PPFIA4: variants seen among roughly 807,000 people sequenced by gnomAD.
The protein encoded by PPFIA4 is liprin-alpha-4.
Under a neutral mutation model 145.7 loss-of-function variants are expected in PPFIA4, and 98 were observed. That is an observed-to-expected ratio of 0.67 (90% CI 0.57 to 0.80). The LOEUF (loss-of-function observed/expected upper bound fraction) is 0.80, where lower values mean the gene tolerates loss of function less well. Ranked by LOEUF, PPFIA4 falls within the 30% of genes least tolerant of loss-of-function variation. The pLI, the probability that PPFIA4 is intolerant of heterozygous loss-of-function variation, is 0.00. For missense variants in PPFIA4, 1,457 were observed against 1,632.7 expected (o/e 0.89, Z 1.85); for synonymous variants, 628 against 649.6 (o/e 0.97, Z 0.51).
intron 24 of PPFIA4, among the ~76,000 whole-genome samples, chr1:203,061,879 A>T (rs1272972617): frequency 6.6e-6 from 1 of 150,990 alleles, no homozygotes; most frequent in Non-Finnish European, 1.5e-5. Flanking sequence ...GTGGCAGGTG[A>T]GGAGCCCTGG....
At chr1:203,035,190 C>G (rs1465515386) in intron 1 of PPFIA4, 7 of 422,420 alleles carry the variant, frequency 1.7e-5, no homozygotes, top group Non-Finnish European at 1.4e-5. Context: ...TGGCTGCCAC[C>G]TGGAGGCTCC....
At position 203,045,363 on chromosome 1, in the gene PPFIA4, TGGA is replaced by T; in HGVS notation, c.669_671del. The T allele has an allele frequency of 6.3e-7, 1 of 1,584,248 alleles. No individual in the cohort carries two copies. On this transcript the variant is annotated splice_acceptor_variant and splice_polypyrimidine_tract_variant and intron_variant, in intron 6 of 29. Transcript: ENST00000295706. LOFTEE classifies it high-confidence loss of function. ...CTCACAGAGCTACTGTCCCTATCCC[TGGA>T]GGAGGATACGGGCCGGGTAGAGGAG...
Position 203,053,796 on chromosome 1 carries a change from C to G in PPFIA4, c.1664C>G (p.Ala555Gly). 6.4e-7 allele frequency: 1 copy of G among 1,552,496 alleles called. No homozygotes were observed. The highest frequency in any genetic ancestry group is 8.7e-7 in the Non-Finnish European group (1 of 1,147,666). ...SPLPGMLAPA[A>G]GPAFDSDPEI... ...CTGCCTGGGATGCTGGCCCCGGCAG[C>G]TGGCCCTGCCTTTGACAGTGACCCT... Residue 555 changes from alanine (A) to glycine (G), a missense_variant, in exon 15 of 30, where the codon GCT (alanine) becomes GGT (glycine). Around this residue, in one of 3 missense-constraint regions of PPFIA4, gnomAD observed 848 missense variants for 1,046.7 expected, o/e 0.81. Transcript: ENST00000295706.
intron 1 of PPFIA4, among the ~76,000 whole-genome samples, chr1:203,032,430 T>TTGTTGTTG (rs1571653652): frequency 1.8e-4 from 25 of 139,448 alleles, no homozygotes; most frequent in African/African-American, 6.1e-4. Context: ...TCCCCGCTTT[T>TTGTTGTTG]TTGTTGTTGT....
chr1:203,041,611 G>A (rs1175330084), intron 2 of PPFIA4, among the ~76,000 whole-genome samples: 1 of 152,152 alleles, frequency 6.6e-6, no homozygotes, highest in Non-Finnish European at 1.5e-5. Flanking sequence ...ACAGCATTGT[G>A]CTTTGGGAGA....
At chr1:203,052,181 G>C (rs34961420) in intron 14 of PPFIA4, among the ~76,000 whole-genome samples, 2 of 151,932 alleles carry the variant, frequency 1.3e-5, no homozygotes, top group Admixed American at 1.3e-4. Context: ...GTGGTCGGGC[G>C]TGGGGGGTGG....
Position 203,055,460 on chromosome 1 carries a change from G to A in PPFIA4, c.1858G>A (p.Glu620Lys). ...GATTCAGGAAGAGAAGGAGTCCACG[G>A]AGCTCCGCGCGGAGGAGATTGAGAC... Reference protein sequence around the residue: ...RMIQEEKESTELRAEEIETRV... With the variant: ...RMIQEEKESTKLRAEEIETRV... Residue 620 changes from glutamate (E) to lysine (K), a missense_variant, in exon 16 of 30, where the codon GAG becomes AAG. Glu to Lys is a moderately conservative substitution (Grantham distance 56). Transcript: ENST00000295706. The surrounding 1 kb of genome is among the most constrained non-coding windows in gnomAD (Gnocchi z 4.8). 2 of 1,614,006 alleles carry A rather than the reference G, an allele frequency of 1.2e-6. No individual in the cohort carries two copies. Among genetic ancestry groups the A allele is most frequent in the Non-Finnish European group, 1.7e-6 (2 of 1,179,892 alleles).
chr1:203,058,746 A>T (rs1247388277), intron 19 of PPFIA4, among the ~76,000 whole-genome samples: 2 of 152,188 alleles, frequency 1.3e-5, no homozygotes, highest in Non-Finnish European at 2.9e-5. Flanking sequence ...CCAGAGAAGG[A>T]GGCTCAGAGA....
Position 203,055,342 on chromosome 1 carries a change from C to A in PPFIA4, c.1830-90C>A. On this transcript the variant is annotated intron_variant, in intron 15 of 29. Coordinates refer to ENST00000295706, the MANE Select transcript of PPFIA4 (RefSeq NM_001304331.2). This position sits in a 1 kb window ranked among gnomAD's most constrained non-coding sequence, Gnocchi z 4.8. ...TGGCGGGTGTACACCGCATGTGGTC[C>A]TTGGTGGCGAGTGCAGGCATCGACC... The A allele has an allele frequency of 6.4e-7, 1 of 1,552,952 alleles. No homozygotes were observed. The highest frequency in any genetic ancestry group is 8.8e-7 in the Non-Finnish European group (1 of 1,131,714).
At position 203,055,984 on chromosome 1, in the gene PPFIA4, TGGCG is replaced by T; in HGVS notation, c.2071-135_2071-132del. On this transcript the variant is annotated intron_variant, in intron 16 of 29. Coordinates refer to ENST00000295706, the MANE Select transcript of PPFIA4 (RefSeq NM_001304331.2). The surrounding 1 kb of genome is among the most constrained non-coding windows in gnomAD (Gnocchi z 4.8). ...CTAGGCCAGCTTTTTTTTTTTTTTC[TGGCG>T]TGATATTCTCTCCGGGCCTGTGTGA... 1 of 856,832 alleles carries T rather than the reference TGGCG, an allele frequency of 1.2e-6. No individual in the cohort carries two copies. Among genetic ancestry groups the T allele is most frequent in the Non-Finnish European group, 1.8e-6 (1 of 565,946 alleles). 53.1% of individuals were successfully genotyped at this position (856,832 alleles called of 1,614,324 possible).
Position 203,076,411 on chromosome 1 carries a change from T to G in PPFIA4, c.*21T>G. 6.2e-7 allele frequency: 1 copy of G among 1,606,456 alleles called. No homozygotes were observed. Among genetic ancestry groups the G allele is most frequent in the Non-Finnish European group, 8.5e-7 (1 of 1,178,098 alleles). Reference sequence around the variant, plus strand: ...ACTAGCCATGGCCCCCAGGGCTGGCTTCCTCCTTCTGGGTTTCACAGGCTC... The same window carrying G: ...ACTAGCCATGGCCCCCAGGGCTGGCGTCCTCCTTCTGGGTTTCACAGGCTC... On this transcript the variant is annotated 3_prime_UTR_variant, in exon 30 of 30. Coordinates refer to ENST00000295706, the MANE Select transcript of PPFIA4 (RefSeq NM_001304331.2).
chr1:203,067,835 T>A, intron 26 of PPFIA4, 43 bp downstream of exon 26: 6 of 1,560,216 alleles, frequency 3.8e-6, no homozygotes, highest in Non-Finnish European at 5.3e-6. Flanking sequence ...GCAGCCTGCT[T>A]GGCTGGTCCC....
chr1:203,044,517 C>T (rs957204472), intron 5 of PPFIA4, 64 bp downstream of exon 5: 3 of 1,495,610 alleles, frequency 2.0e-6, no homozygotes, highest in African/African-American at 1.4e-5. Flanking sequence ...ACCCCTGTGC[C>T]CTACTCTGTT....
At chr1:203,049,835 C>G (rs1053953471) in intron 13 of PPFIA4, 68 bp downstream of exon 13, 1 of 1,341,148 alleles carries the variant, frequency 7.5e-7, no homozygotes, top group Non-Finnish European at 9.9e-7. Context: ...AGGAGACTTC[C>G]TTCCAACAAA....
intron 13 of PPFIA4, 90 bp downstream of exon 13, chr1:203,049,857 G>A: frequency 8.7e-7 from 1 of 1,155,766 alleles, no homozygotes; most frequent in Non-Finnish European, 1.2e-6. Context: ...GACTGCCCAG[G>A]ACCTCAGGGT....
chr1:203,040,114 C>T (rs929997534), intron 2 of PPFIA4, among the ~76,000 whole-genome samples: 1 of 152,232 alleles, frequency 6.6e-6, no homozygotes, highest in Admixed American at 6.5e-5. Flanking sequence ...GGTTCTTGGG[C>T]TGTTTAGCTG....
rs573449333 is a variant in PPFIA4 at position 203,077,751 on chromosome 1, A to T, written c.*1361A>T. The T allele has an allele frequency of 6.6e-6, 1 of 152,334 alleles. No individual in the cohort carries two copies. The highest frequency in any genetic ancestry group is 2.1e-4 in the South Asian group (1 of 4,824). 9.4% of individuals were successfully genotyped at this position (152,334 alleles called of 1,614,324 possible). On this transcript the variant is annotated 3_prime_UTR_variant, in exon 30 of 30. Transcript: ENST00000295706. ...TTTGGTAGGAATATTATTCCCAAGA[A>T]ATACCCGCTCCTCACCTACTCCCTC... is the stretch of plus-strand genomic sequence containing the variant.
intron 1 of PPFIA4, among the ~76,000 whole-genome samples, chr1:203,030,914 C>G (rs2102603636): frequency 6.6e-6 from 1 of 152,296 alleles, no homozygotes; most frequent in South Asian, 2.1e-4. Context: ...TATATGCAGT[C>G]AAGATCCCTG....
Position 203,049,026 on chromosome 1 carries a change from G to A in PPFIA4, c.1419+46G>A, listed in dbSNP as rs531957748. 7.5e-5 allele frequency: 116 copies of A among 1,538,604 alleles called. No homozygotes were observed. The South Asian group carries it at 1.2e-3, about 16-fold the overall frequency. On this transcript the variant is annotated intron_variant, in intron 12 of 29. Coordinates refer to ENST00000295706, the MANE Select transcript of PPFIA4 (RefSeq NM_001304331.2). Reference sequence around the variant, plus strand: ...CCGCCCAGCCTGGGAGGGCCGGGTTGCAGGGAGGAAAGGACACCCTGCTTT... The same window carrying A: ...CCGCCCAGCCTGGGAGGGCCGGGTTACAGGGAGGAAAGGACACCCTGCTTT...
Sources: allele counts gnomAD v4.1 joint callset (sites outside exome capture counted in the v4.1 genomes callset), GRCh38; gene constraint gnomAD v4.1.1; regional missense constraint gnomAD v4.1.1; non-coding constraint Gnocchi (gnomAD v3.1); transcripts MANE v1.5; gene names NCBI Gene and HGNC (gene_info 2026-07-23, HGNC 2026-07-21).